Variants in WNT2 observed in about 807,000 individuals in gnomAD.
WNT2 encodes the protein Wnt family member 2, also known as protein Wnt-2.
A neutral mutation model predicts 36.9 loss-of-function variants in WNT2; 12 were observed. The ratio of observed to expected loss-of-function variants is 0.33; its 90% CI spans 0.21 to 0.53. The LOEUF is 0.53. WNT2 is among the 20% of genes least tolerant of loss of function. WNT2 has a pLI of 0.95. For missense variants in WNT2, 379 were observed against 473.1 expected (o/e 0.80, Z 1.84); for synonymous variants, 163 against 174.6 (o/e 0.93, Z 0.52).
At chr7:117,295,449 G>C (rs1794772637) in intron 4 of WNT2, among the ~76,000 whole-genome samples, 1 of 152,134 alleles carries the variant, frequency 6.6e-6, no homozygotes, top group Non-Finnish European at 1.5e-5. Flanking sequence ...TTAGTAACTT[G>C]AAGAGGCAGC....
chr7:117,307,128 T>TA (rs991425308), intron 3 of WNT2, among the ~76,000 whole-genome samples: 10 of 152,074 alleles, frequency 6.6e-5, no homozygotes, highest in African/African-American at 1.2e-4. Context: ...GAAGTCTGTT[T>TA]AAAAAAAAGA....
At chr7:117,321,141 G>A (rs1795318555) in intron 1 of WNT2, among the ~76,000 whole-genome samples, 1 of 152,238 alleles carries the variant, frequency 6.6e-6, no homozygotes, top group Non-Finnish European at 1.5e-5. Context: ...TGGGGAGAAT[G>A]TGTGGAAGAC....
intron 3 of WNT2, among the ~76,000 whole-genome samples, chr7:117,299,494 CTTTT>C (rs113776491): frequency 2.2e-5 from 3 of 138,848 alleles, no homozygotes; most frequent in Admixed American, 7.3e-5. Context: ...TTCTTTCTTT[CTTTT>C]TTTTTTTTTT....
chr7:117,314,869 A>G (rs1290042661), intron 3 of WNT2, among the ~76,000 whole-genome samples: 1 of 152,210 alleles, frequency 6.6e-6, no homozygotes, highest in South Asian at 2.1e-4. Context: ...AACTAGCTAT[A>G]GGAAGGAAGG....
rs2116315397 is a variant in WNT2, at chr7:117,276,145, G to A, written c.*2010C>T. Reference sequence around the variant, plus strand: ...GCCTGATATGTGCACCAATCCCTTCGCCTCTCTTGGTCTCAATTTCCCCAA... The same window carrying A: ...GCCTGATATGTGCACCAATCCCTTCACCTCTCTTGGTCTCAATTTCCCCAA... On this transcript the variant is annotated 3_prime_UTR_variant, in exon 5 of 5. Coordinates refer to ENST00000265441, the MANE Select transcript of WNT2 (RefSeq NM_003391.3). Among the ~76,000 whole-genome samples the A allele has an allele frequency of 6.6e-6, 1 of 152,284 alleles. No individual in the cohort carries two copies. The highest frequency in any genetic ancestry group is 3.4e-3 in the Middle Eastern group (1 of 294).
chr7:117,319,528 G>A (rs573646308), intron 2 of WNT2, among the ~76,000 whole-genome samples: 1 of 148,444 alleles, frequency 6.7e-6, no homozygotes, highest in Non-Finnish European at 1.5e-5. Context: ...GAATTGGGGG[G>A]GGGGGTAGGC....
chr7:117,307,697 C>A (rs563577212), intron 3 of WNT2, among the ~76,000 whole-genome samples: 2 of 152,312 alleles, frequency 1.3e-5, no homozygotes, highest in East Asian at 3.9e-4. Context: ...CTTTGTAAAA[C>A]TTCTTTGCAG....
chr7:117,282,303 C>T (rs1337042090), intron 4 of WNT2, among the ~76,000 whole-genome samples: 1 of 151,614 alleles, frequency 6.6e-6, no homozygotes, highest in Non-Finnish European at 1.5e-5. Flanking sequence ...GGGCACTCTT[C>T]TGCATTTCAT....
intron 4 of WNT2, among the ~76,000 whole-genome samples, chr7:117,294,829 G>A (rs901002041): frequency 1.3e-5 from 2 of 152,168 alleles, no homozygotes; most frequent in East Asian, 1.9e-4. Flanking sequence ...AGTGGCTCAC[G>A]CCTGTAATCC....
chr7:117,278,926 GAC>G (rs1794431098), intron 4 of WNT2, among the ~76,000 whole-genome samples: 3 of 152,194 alleles, frequency 2.0e-5, no homozygotes, highest in Non-Finnish European at 4.4e-5. Flanking sequence ...CTGAAGAGGA[GAC>G]ATGGGCATCA....
intron 3 of WNT2, among the ~76,000 whole-genome samples, chr7:117,300,678 T>C (rs1794888495): frequency 1.3e-5 from 2 of 152,200 alleles, no homozygotes; most frequent in South Asian, 4.1e-4. Context: ...CACGTGCCTA[T>C]GGTCTCAGCT....
intron 4 of WNT2, among the ~76,000 whole-genome samples, chr7:117,290,332 T>A (rs1794666705): frequency 6.6e-6 from 1 of 151,266 alleles, no homozygotes; most frequent in African/African-American, 2.4e-5. Flanking sequence ...AGCAGAGGAG[T>A]GTAGTTATAA....
chr7:117,301,629 C>T (rs958101800), intron 3 of WNT2, among the ~76,000 whole-genome samples: 4 of 152,136 alleles, frequency 2.6e-5, no homozygotes, highest in East Asian at 1.9e-4. Flanking sequence ...CTGCGCTCTG[C>T]GAGGAAAGGA....
chr7:117,317,272 AT>A (rs925232210), intron 2 of WNT2, among the ~76,000 whole-genome samples: 2 of 152,250 alleles, frequency 1.3e-5, no homozygotes. Context: ...TAGGTGCAGA[AT>A]TCATCCTGGT....
intron 3 of WNT2, chr7:117,300,757 T>G (rs1049635145): frequency 2.0e-5 from 3 of 152,412 alleles, no homozygotes; most frequent in African/African-American, 7.2e-5. Flanking sequence ...TATGATTGCA[T>G]CACTGTACTC....
At chr7:117,299,035 AG>A (rs142833807) in intron 3 of WNT2, among the ~76,000 whole-genome samples, 4,768 of 152,304 alleles carry the variant, frequency 0.031, 114 homozygotes, top group African/African-American at 0.031. Flanking sequence ...CCACCCCTGG[AG>A]GGCAAGGATG....
intron 3 of WNT2, among the ~76,000 whole-genome samples, chr7:117,298,635 G>A (rs899345058): frequency 1.3e-5 from 2 of 152,162 alleles, no homozygotes; most frequent in African/African-American, 2.4e-5. Context: ...CTGTGGGTGC[G>A]AGGCCTGTGG....
In WNT2 at chr7:117,295,144, C is replaced by T. The variant is rs573098947; in HGVS notation, c.853+2468G>A. On this transcript the variant is annotated intron_variant, in intron 4 of 4. Transcript: ENST00000265441. ...CGAGACGAGACGAGATGAGATGAGA[C>T]GAGACAAGATGAGATGAGACGAGAC... Among the ~76,000 whole-genome samples, 957 of 146,364 alleles carry T rather than the reference C, an allele frequency of 6.5e-3. 12 individuals are homozygous for T. Among genetic ancestry groups the T allele is most frequent in the African/African-American group, 0.023 (897 of 39,746 alleles).
intron 3 of WNT2, among the ~76,000 whole-genome samples, chr7:117,308,687 G>T (rs1166513638): frequency 6.6e-6 from 1 of 152,202 alleles, no homozygotes; most frequent in African/African-American, 2.4e-5. Context: ...AGATGCTCAA[G>T]ATTGTTGAAG....
Sources: gnomAD v4.1 joint callset for allele counts (sites outside exome capture counted in the v4.1 genomes callset) on GRCh38, gnomAD v4.1.1 for gene constraint, MANE v1.5 for transcripts, NCBI Gene and HGNC (gene_info 2026-07-23, HGNC 2026-07-21) for gene names.